DAP3: variants seen among roughly 807,000 people sequenced by gnomAD.
DAP3 encodes the protein death associated protein 3.
A neutral mutation model predicts 51.9 loss-of-function variants in DAP3; 28 were observed. That is an observed-to-expected ratio of 0.54 (90% CI 0.40 to 0.74). The LOEUF (loss-of-function observed/expected upper bound fraction) is 0.74. DAP3 is among the 30% of genes least tolerant of loss of function. DAP3 has a pLI of 0.00. For synonymous variants in DAP3, 170 were observed against 170.3 expected, an observed-to-expected ratio of 1.00 and a Z score of 0.01; for missense variants, 458 against 483.5, an observed-to-expected ratio of 0.95 and a Z score of 0.49.
At chr1:155,691,977 C>G (rs945470473) in intron 1 of DAP3, among the ~76,000 whole-genome samples, 1 of 141,732 alleles carries the variant, frequency 7.1e-6, no homozygotes. Context: ...GAGTTCTGAT[C>G]TCCACACTGT....
At chr1:155,718,670 T>C (rs1657607628) in intron 3 of DAP3, among the ~76,000 whole-genome samples, 2 of 143,766 alleles carry the variant, frequency 1.4e-5, no homozygotes, top group African/African-American at 5.2e-5. Flanking sequence ...TGGGCGACAG[T>C]GCAAGACTCT....
chr1:155,736,343 A>G (rs1571580127), intron 11 of DAP3, among the ~76,000 whole-genome samples: 1 of 152,258 alleles, frequency 6.6e-6, no homozygotes, highest in East Asian at 1.9e-4. Context: ...TCCAAAATAC[A>G]TACACACAAT....
At chr1:155,687,997 C>T, upstream of DAP3, 7 of 1,472,030 alleles carry the variant, frequency 4.8e-6, no homozygotes, top group Admixed American at 6.6e-5. Flanking sequence ...ATGACAGTGG[C>T]TCCCAGAAAG....
intron 6 of DAP3, 78 bp from the exon 7 acceptor site, chr1:155,727,530 C>A: frequency 3.6e-6 from 5 of 1,389,014 alleles, no homozygotes; most frequent in Non-Finnish European, 3.9e-6. Flanking sequence ...TTTCCCATAA[C>A]TTAAAAGAGG....
intron 11 of DAP3, 111 bp from the exon 12 acceptor site, chr1:155,736,835 G>C (rs1659856684): frequency 1.1e-6 from 1 of 882,566 alleles, no homozygotes; most frequent in South Asian, 1.3e-5. Context: ...GAGAAGTAGA[G>C]TTACATAGAA....
chr1:155,730,251 A>G (rs12097744), intron 9 of DAP3, among the ~76,000 whole-genome samples: 3,873 of 131,168 alleles, frequency 0.03, 169 homozygotes, highest in African/African-American at 0.15. Flanking sequence ...ATATATACGT[A>G]TATATGCACA....
At chr1:155,688,907 G>C (rs543380974), upstream of DAP3, 37 of 1,612,930 alleles carry the variant, frequency 2.3e-5, no homozygotes, top group Admixed American at 1.2e-4. Flanking sequence ...CAGGGTGGCC[G>C]GCCGAGTCCC....
chr1:155,722,136 C>T (rs1658087144), intron 4 of DAP3: 1 of 160,074 alleles, frequency 6.2e-6, no homozygotes, highest in Non-Finnish European at 1.4e-5. Flanking sequence ...GGCGCTATGG[C>T]TCACGCCTGT....
Position 155,728,921 on chromosome 1 carries a change from C to T in DAP3, c.604-121C>T, listed in dbSNP as rs546276740. The T allele has an allele frequency of 1.4e-3, 1,297 of 900,662 alleles. 5 individuals are homozygous for T. The highest frequency in any genetic ancestry group is 7.4e-3 in the Middle Eastern group (23 of 3,108). 55.8% of individuals were successfully genotyped at this position (900,662 alleles called of 1,614,324 possible). ...TTCTACATTGAGGTCTCTTACAGAACCTGAACAATAGATTAAAATGAACTC... is the reference window on the plus strand; with the variant it reads ...TTCTACATTGAGGTCTCTTACAGAATCTGAACAATAGATTAAAATGAACTC... On this transcript the variant is annotated intron_variant, in intron 7 of 12. Transcript: ENST00000368336.
At position 155,723,670 on chromosome 1, in the gene DAP3, G is replaced by A. The variant is rs557622280; in HGVS notation, c.271-1712G>A. 1.6e-4 allele frequency among the ~76,000 whole-genome samples: 24 copies of A among 152,196 alleles called. No homozygotes were observed. The East Asian group carries it at 4.6e-3, about 29-fold the overall frequency. On this transcript the variant is annotated intron_variant, in intron 4 of 12. Transcript: ENST00000368336. ...CCTTTATCATGTTTTTTTGAACATT[G>A]AGCCTTCCATTAAGTTTGGAATTGC...
intron 1 of DAP3, among the ~76,000 whole-genome samples, chr1:155,692,265 C>T (rs527723657): frequency 1.8e-4 from 26 of 141,660 alleles, no homozygotes; most frequent in Non-Finnish European, 3.5e-4. Context: ...AACATAATGG[C>T]GATAAGAAGG....
At chr1:155,725,572 T>G in intron 5 of DAP3, 82 bp downstream of exon 5, 1 of 1,337,344 alleles carries the variant, frequency 7.5e-7, no homozygotes, top group Non-Finnish European at 1.1e-6. Context: ...TGAAAAAAAG[T>G]ACTGTTGAGG....
intron 11 of DAP3, among the ~76,000 whole-genome samples, chr1:155,735,314 G>A (rs547901046): frequency 2.0e-5 from 3 of 151,790 alleles, no homozygotes; most frequent in South Asian, 2.1e-4. Context: ...AGTGGCTCAC[G>A]CCTATAATCC....
chr1:155,731,946 T>C lies in DAP3; in HGVS notation c.906T>C (p.His302=). 3.7e-6 allele frequency: 6 copies of C among 1,608,722 alleles called. No homozygotes were observed. Among genetic ancestry groups the C allele is most frequent in the Non-Finnish European group, 5.1e-6 (6 of 1,177,756 alleles). The change falls in exon 11 of 13, where the codon CAT becomes CAC. Residue 302 remains histidine, a splice_region_variant and synonymous_variant. Transcript: ENST00000368336. ...CAGCCTTTTCTCTTTTCTTTCAGCA[T>C]GGAGGCGCCATTGTGTCGGCTTTGA... ...NLRKMMKNDW[H]GGAIVSALSQ... is the part of the protein sequence containing the mutation.
intron 1 of DAP3, among the ~76,000 whole-genome samples, chr1:155,693,539 A>G (rs1654136455): frequency 7.0e-6 from 1 of 142,046 alleles, no homozygotes; most frequent in Non-Finnish European, 1.5e-5. Flanking sequence ...CTTTGACAGT[A>G]TAGTTCCTGT....
chr1:155,727,450 C>T, intron 6 of DAP3, 158 bp from the exon 7 acceptor site: 2 of 652,234 alleles, frequency 3.1e-6, no homozygotes, highest in Non-Finnish European at 4.2e-6. Flanking sequence ...GCCTGGGTGA[C>T]AGAGCAAGAC....
intron 1 of DAP3, among the ~76,000 whole-genome samples, chr1:155,692,892 C>A (rs571876481): frequency 7.0e-6 from 1 of 142,082 alleles, no homozygotes; most frequent in South Asian, 2.1e-4. Flanking sequence ...TCTGATAATT[C>A]CACAATTTTG....
intron 1 of DAP3, among the ~76,000 whole-genome samples, chr1:155,695,120 G>A (rs1341528033): frequency 2.0e-5 from 3 of 152,182 alleles, no homozygotes; most frequent in Non-Finnish European, 4.4e-5. Flanking sequence ...AGCCTGGTCT[G>A]TTGTCTGTTT....
At chr1:155,706,772 TA>T (rs1302303895) in intron 1 of DAP3, among the ~76,000 whole-genome samples, 4 of 150,546 alleles carry the variant, frequency 2.7e-5, no homozygotes, top group Non-Finnish European at 3.0e-5. Flanking sequence ...AATAAATAAA[TA>T]AAATAAAATA....
Sources: gnomAD v4.1 joint callset for allele counts (sites outside exome capture counted in the v4.1 genomes callset) on GRCh38, gnomAD v4.1.1 for gene constraint, MANE v1.5 for transcripts, NCBI Gene and HGNC (gene_info 2026-07-23, HGNC 2026-07-21) for gene names.